Variants in RABGAP1L observed in about 807,000 individuals in gnomAD.
The protein encoded by RABGAP1L is rab GTPase-activating protein 1-like.
In RABGAP1L, 63 loss-of-function variants were observed where a neutral mutation model predicts 137.7. The observed-to-expected ratio is 0.46, with a 90% CI of 0.37 to 0.56. The LOEUF (loss-of-function observed/expected upper bound fraction) is 0.56, where lower values mean the gene tolerates loss of function less well. RABGAP1L is among the 20% of genes least tolerant of loss of function. The pLI is 0.00. For synonymous variants in RABGAP1L, 431 were observed against 433.7 expected, an observed-to-expected ratio of 0.99 and a Z score of 0.08; for missense variants, 1,095 against 1,244.0, an observed-to-expected ratio of 0.88 and a Z score of 1.80.
chr1:174,812,458 A>T (rs567911686), intron 19 of RABGAP1L, among the ~76,000 whole-genome samples: 5 of 152,316 alleles, frequency 3.3e-5, no homozygotes, highest in African/African-American at 1.2e-4. Flanking sequence ...TTATAAATCA[A>T]TTTGAAATTG....
chr1:174,574,282 TG>T (rs1359778380), intron 13 of RABGAP1L, among the ~76,000 whole-genome samples: 1 of 152,252 alleles, frequency 6.6e-6, no homozygotes, highest in Non-Finnish European at 1.5e-5. Context: ...GATACTGATA[TG>T]TGTAAAAGAA....
At chr1:174,534,848 C>G (rs891212887) in intron 13 of RABGAP1L, among the ~76,000 whole-genome samples, 6 of 144,438 alleles carry the variant, frequency 4.2e-5, no homozygotes, top group Non-Finnish European at 9.0e-5. Flanking sequence ...GTACATTGTA[C>G]TTTGGAGCAA....
intron 13 of RABGAP1L, among the ~76,000 whole-genome samples, chr1:174,477,532 A>G (rs564454062): frequency 6.6e-6 from 1 of 152,336 alleles, no homozygotes; most frequent in South Asian, 2.1e-4. Flanking sequence ...GCTATTTCAC[A>G]TAATTTTCTG....
chr1:174,348,976 C>T (rs1191531408), intron 11 of RABGAP1L, among the ~76,000 whole-genome samples: 4 of 152,192 alleles, frequency 2.6e-5, no homozygotes, highest in Non-Finnish European at 5.9e-5. Context: ...CTGTTGGGCA[C>T]ACCTCCCAGA....
intron 19 of RABGAP1L, chr1:174,935,476 T>C (rs1403366141): frequency 6.6e-6 from 1 of 152,182 alleles, no homozygotes; most frequent in African/African-American, 2.4e-5. Context: ...TAAATAATCC[T>C]TTGAAAATGT....
chr1:174,451,659 A>G (rs1371465303), intron 13 of RABGAP1L, among the ~76,000 whole-genome samples: 2 of 151,910 alleles, frequency 1.3e-5, no homozygotes, highest in Non-Finnish European at 2.9e-5. Flanking sequence ...AAATTTTTGT[A>G]CCTCTGTCTG....
At chr1:174,942,346 A>C (rs1666033766) in intron 19 of RABGAP1L, among the ~76,000 whole-genome samples, 1 of 152,248 alleles carries the variant, frequency 6.6e-6, no homozygotes, top group African/African-American at 2.4e-5. Context: ...TTTCCTAGCC[A>C]ATTTGAAGCA....
chr1:174,649,152 C>G (rs576001476), intron 14 of RABGAP1L, among the ~76,000 whole-genome samples: 1 of 152,184 alleles, frequency 6.6e-6, no homozygotes, highest in African/African-American at 2.4e-5. Flanking sequence ...GACTCTTTAT[C>G]CAATTTGCCA....
intron 13 of RABGAP1L, among the ~76,000 whole-genome samples, chr1:174,534,775 CAAAAA>C (rs71117567): frequency 0.34 from 24,906 of 72,310 alleles, 3,045 homozygotes; most frequent in South Asian, 0.44. Context: ...ACTCTGTCTC[CAAAAA>C]AAAAAAAAAA....
Position 174,988,714 on chromosome 1 carries a change from G to A in RABGAP1L, c.2879G>A (p.Gly960Asp), listed in dbSNP as rs1346962025. 5.2e-6 allele frequency: 8 copies of A among 1,549,076 alleles called. No individual in the cohort carries two copies. The highest frequency in any genetic ancestry group is 2.0e-5 in the Admixed American group (1 of 50,756). ...GGTGCTTTGAAACTAGCAGCCACAG[G>A]CAGAGAGGACCAGGGAATTGAAACA... Reference protein sequence around the residue: ...KEGALKLAATGREDQGIETDD... With the variant: ...KEGALKLAATDREDQGIETDD... The change falls in exon 25 of 26, where the codon GGC (glycine) becomes GAC (aspartate). Residue 960 changes from glycine to aspartate, a missense_variant. By Grantham distance (94) the Gly-to-Asp change is moderately conservative. Coordinates refer to ENST00000681986, the MANE Select transcript of RABGAP1L (RefSeq NM_001366446.1).
chr1:174,859,440 G>A (rs954083557), intron 19 of RABGAP1L, among the ~76,000 whole-genome samples: 1 of 150,810 alleles, frequency 6.6e-6, no homozygotes, highest in Admixed American at 6.6e-5. Context: ...CGGAGATTGT[G>A]CTACTGCACT....
chr1:174,825,712 A>G lies in RABGAP1L; in HGVS notation c.2340+13752A>G, dbSNP rs540260574. On this transcript the variant is annotated intron_variant, in intron 19 of 25. Transcript: ENST00000681986. The stretch of plus-strand genomic sequence containing the variant: ...AGCCTGGCCAAAATGGCAAAACCCC[A>G]TCTCTACTAAAGATACAAAATTAGC... Among the ~76,000 whole-genome samples, 45 of 152,304 alleles carry G rather than the reference A, an allele frequency of 3.0e-4. No individual in the cohort carries two copies. In the South Asian group the frequency reaches 7.4e-3, roughly 25 times the overall value.
chr1:174,405,920 G>T (rs2149114984), intron 13 of RABGAP1L, among the ~76,000 whole-genome samples: 1 of 152,140 alleles, frequency 6.6e-6, no homozygotes, highest in African/African-American at 2.4e-5. Context: ...AGAGGTTGCA[G>T]TGAGCCAAGA....
intron 19 of RABGAP1L, among the ~76,000 whole-genome samples, chr1:174,890,070 G>T (rs562055828): frequency 6.6e-5 from 10 of 151,836 alleles, no homozygotes; most frequent in African/African-American, 2.4e-4. Flanking sequence ...TCAAACAAAC[G>T]AACAAAAAAA....
chr1:174,199,269 G>A (rs1667930407), intron 1 of RABGAP1L, among the ~76,000 whole-genome samples: 1 of 152,010 alleles, frequency 6.6e-6, no homozygotes, highest in African/African-American at 2.4e-5. Context: ...ATATATTTTA[G>A]TGGAGGCAAT....
intron 12 of RABGAP1L, among the ~76,000 whole-genome samples, chr1:174,387,399 C>A (rs951645177): frequency 6.6e-6 from 1 of 152,118 alleles, no homozygotes; most frequent in Non-Finnish European, 1.5e-5. Context: ...TCAATAAATC[C>A]TTCTGTAAGC....
At chr1:174,746,927 T>C (rs1683916466) in intron 17 of RABGAP1L, among the ~76,000 whole-genome samples, 1 of 152,216 alleles carries the variant, frequency 6.6e-6, no homozygotes, top group Admixed American at 6.5e-5. Context: ...GAGTTAGACC[T>C]TGTACTATAA....
At chr1:174,787,402 C>CAAAAAAAAA (rs35930436) in intron 18 of RABGAP1L, among the ~76,000 whole-genome samples, 1 of 119,906 alleles carries the variant, frequency 8.3e-6, no homozygotes, top group African/African-American at 3.3e-5. Flanking sequence ...GACTCTGTGT[C>CAAAAAAAAA]AAAAAAAAAA....
At chr1:174,372,618 G>A (rs951412977) in intron 12 of RABGAP1L, among the ~76,000 whole-genome samples, 1 of 152,014 alleles carries the variant, frequency 6.6e-6, no homozygotes, top group African/African-American at 2.4e-5. Flanking sequence ...GTGATTTAAT[G>A]TATAATCCAA....
Sources: gnomAD v4.1 joint callset for allele counts (sites outside exome capture counted in the v4.1 genomes callset) on GRCh38, gnomAD v4.1.1 for gene constraint, MANE v1.5 for transcripts, NCBI Gene and HGNC (gene_info 2026-07-23, HGNC 2026-07-21) for gene names.